The following CACNA1C variants were observed in gnomAD, a reference collection of about 807,000 sequenced individuals.
CACNA1C encodes calcium voltage-gated channel subunit alpha1 C.
CACNA1C carries 30 observed loss-of-function variants against 229.0 expected under a neutral mutation model. The ratio of observed to expected loss-of-function variants is 0.13; its 90% CI spans 0.10 to 0.18. The LOEUF (loss-of-function observed/expected upper bound fraction) is 0.18. CACNA1C is among the 10% of genes least tolerant of loss of function. The pLI is 1.00. For synonymous variants in CACNA1C, 1,114 were observed against 1,132.5 expected, an observed-to-expected ratio of 0.98 and a Z score of 0.33; for missense variants, 1,658 against 2,845.0, an observed-to-expected ratio of 0.58 and a Z score of 9.49.
rs1009297300 is a variant in CACNA1C, at chr12:2,157,508, C to G, written c.477+37078C>G. On this transcript the variant is annotated intron_variant, in intron 3 of 46. Coordinates refer to ENST00000399655, the MANE Select transcript of CACNA1C (RefSeq NM_000719.7). Reference sequence around the variant, plus strand: ...CTCCCACTTGCTCTCAGAGTGCTGTCCCATAAGCCTGTACTCTCTAGGCAG... The same window carrying G: ...CTCCCACTTGCTCTCAGAGTGCTGTGCCATAAGCCTGTACTCTCTAGGCAG... Among the ~76,000 whole-genome samples, 7 of 152,352 alleles carry G rather than the reference C, an allele frequency of 4.6e-5. No homozygotes were observed. The South Asian group carries it at 1.2e-3, about 27-fold the overall frequency.
intron 3 of CACNA1C, among the ~76,000 whole-genome samples, chr12:2,353,912 T>C (rs1027156497): frequency 6.6e-6 from 1 of 152,196 alleles, no homozygotes; most frequent in African/African-American, 2.4e-5. Context: ...GGTGCTGCAC[T>C]GTCCTGCCAT....
rs889496067 is a variant in CACNA1C, at chr12:2,691,540, C to T, written c.*341C>T. The T allele has an allele frequency of 2.7e-5, 7 of 256,304 alleles. No individual in the cohort carries two copies. The highest frequency in any genetic ancestry group is 1.6e-4 in the South Asian group (1 of 6,084). The allele number at this position is 256,304 out of a possible 1,614,324, so 15.9% of individuals were successfully genotyped here. A position where few individuals can be genotyped will look rare whatever the true frequency, so the allele number is the denominator to read the frequency against. ...CTCACCAAAAGGACCCTACAGCAAA[C>T]GGGTGTCTTTCGACTCTGCTTGTAG... is the stretch of plus-strand genomic sequence containing the variant. On this transcript the variant is annotated 3_prime_UTR_variant, in exon 47 of 47. Coordinates refer to ENST00000399655, the MANE Select transcript of CACNA1C (RefSeq NM_000719.7).
intron 1 of CACNA1C, among the ~76,000 whole-genome samples, chr12:2,010,060 A>G (rs1486085462): frequency 6.6e-6 from 1 of 152,210 alleles, no homozygotes; most frequent in Non-Finnish European, 1.5e-5. Context: ...TAGTTTCATG[A>G]CCAGTATTAT....
intron 37 of CACNA1C, 100 bp from the exon 38 acceptor site, chr12:2,668,833 C>T (rs990727256): frequency 2.0e-4 from 156 of 762,496 alleles, no homozygotes; most frequent in Admixed American, 3.4e-4. Flanking sequence ...GAGATTTGGG[C>T]GAGGACACAG....
chr12:2,585,747 C>T lies in CACNA1C; in HGVS notation c.2461-88C>T. 1 of 1,060,032 alleles carries T rather than the reference C, an allele frequency of 9.4e-7. No individual in the cohort carries two copies. Among genetic ancestry groups the T allele is most frequent in the Non-Finnish European group, 1.4e-6 (1 of 696,962 alleles). 65.7% of individuals were successfully genotyped at this position (1,060,032 alleles called of 1,614,324 possible). On this transcript the variant is annotated intron_variant, in intron 17 of 46. Transcript: ENST00000399655. This position sits in a 1 kb window ranked among gnomAD's most constrained non-coding sequence, Gnocchi z 4.1. Reference sequence around the variant, plus strand: ...ACCTATTTTTGAGCTAAGTCACTGACTAAAATGCAACTTCAAGGCTACTGC... The same window carrying T: ...ACCTATTTTTGAGCTAAGTCACTGATTAAAATGCAACTTCAAGGCTACTGC...
intron 3 of CACNA1C, among the ~76,000 whole-genome samples, chr12:2,365,989 A>G (rs577096316): frequency 6.6e-6 from 1 of 152,352 alleles, no homozygotes; most frequent in South Asian, 2.1e-4. Flanking sequence ...CTCAGAAAAT[A>G]AAGCATACAT....
intron 3 of CACNA1C, among the ~76,000 whole-genome samples, chr12:2,340,964 A>G (rs551376755): frequency 3.7e-4 from 54 of 146,936 alleles, no homozygotes; most frequent in African/African-American, 1.3e-3. Flanking sequence ...CTCAAAAAAG[A>G]AAAAAAAAAG....
chr12:1,979,479 T>G (rs1294457911), intron 1 of CACNA1C, among the ~76,000 whole-genome samples: 1 of 150,472 alleles, frequency 6.6e-6, no homozygotes, highest in African/African-American at 2.5e-5. Context: ...GCCTGGCTAA[T>G]TTTTGTATTT....
Position 2,115,274 on chromosome 12 carries a change from G to T in CACNA1C, c.100G>T (p.Ala34Ser). The T allele has an allele frequency of 6.3e-7, 1 of 1,590,578 alleles. No homozygotes were observed. Among genetic ancestry groups the T allele is most frequent in the Non-Finnish European group, 8.6e-7 (1 of 1,168,302 alleles). ...CGCCCATGCCAACATGAATGCCAAT[G>T]CGGCAGCGGGGCTGGCCCCTGAGCA... ...RPAHANMNAN[A>S]AAGLAPEHIP... Residue 34 changes from alanine (A) to serine (S), a missense_variant, in exon 2 of 47, where the codon GCG (alanine) becomes TCG (serine). Coordinates refer to ENST00000399655, the MANE Select transcript of CACNA1C (RefSeq NM_000719.7).
intron 30 of CACNA1C, among the ~76,000 whole-genome samples, chr12:2,643,948 G>T (rs150546822): frequency 1.3e-5 from 2 of 152,168 alleles, no homozygotes; most frequent in African/African-American, 4.8e-5. Flanking sequence ...AGGTCAAATT[G>T]AGATTGGAGG....
At chr12:2,596,934 A>G (rs545331164) in intron 20 of CACNA1C, among the ~76,000 whole-genome samples, 25 of 152,192 alleles carry the variant, frequency 1.6e-4, no homozygotes, top group African/African-American at 6.0e-4. Context: ...AAAGCATCCA[A>G]CCAGATGCTG....
At chr12:2,132,277 C>T (rs1431141767) in intron 3 of CACNA1C, among the ~76,000 whole-genome samples, 1 of 124,492 alleles carries the variant, frequency 8.0e-6, no homozygotes, top group Non-Finnish European at 1.7e-5. Context: ...TCCTCTTTTC[C>T]TAATTGAATA....
Position 2,285,209 on chromosome 12 carries a change from G to A in CACNA1C, c.478-163767G>A, listed in dbSNP as rs1018154213. Among the ~76,000 whole-genome samples the A allele has an allele frequency of 5.3e-5, 8 of 152,182 alleles. No homozygotes were observed. Among genetic ancestry groups the A allele is most frequent in the African/African-American group, 1.7e-4 (7 of 41,438 alleles). ...GAATTTCCTCTTCCTTGGGTCAAGCGGGTGGGAAGGGCTCATGATTGCTGA... is the reference window on the plus strand; with the variant it reads ...GAATTTCCTCTTCCTTGGGTCAAGCAGGTGGGAAGGGCTCATGATTGCTGA... On this transcript the variant is annotated intron_variant, in intron 3 of 46. Transcript: ENST00000399655. The surrounding 1 kb of genome is among the most constrained non-coding windows in gnomAD (Gnocchi z 4.2).
intron 4 of CACNA1C, among the ~76,000 whole-genome samples, chr12:2,451,797 A>G (rs1269406358): frequency 6.6e-6 from 1 of 152,218 alleles, no homozygotes; most frequent in Non-Finnish European, 1.5e-5. Context: ...AGAGGGAGGC[A>G]TCCAGTTGTG....
At chr12:2,686,959 T>C (rs373876612) in intron 45 of CACNA1C, among the ~76,000 whole-genome samples, 59 of 152,360 alleles carry the variant, frequency 3.9e-4, no homozygotes, top group African/African-American at 1.2e-3. Flanking sequence ...TACTCTTTTA[T>C]AGCATGGACC....
chr12:2,276,894 G>A (rs2088448556), intron 3 of CACNA1C, among the ~76,000 whole-genome samples: 1 of 152,106 alleles, frequency 6.6e-6, no homozygotes, highest in African/African-American at 2.4e-5. Context: ...GCAGGGACCA[G>A]GGAGACCAGA....
chr12:2,455,178 T>C (rs1175838784), intron 4 of CACNA1C, among the ~76,000 whole-genome samples: 4 of 152,216 alleles, frequency 2.6e-5, no homozygotes, highest in Admixed American at 6.5e-5. Flanking sequence ...ACTGCTGTCA[T>C]ATCTCCCATT....
intron 14 of CACNA1C, 88 bp downstream of exon 14, chr12:2,581,885 C>T (rs532066273): frequency 4.2e-5 from 33 of 788,622 alleles, no homozygotes; most frequent in South Asian, 2.7e-4. Context: ...ACCCTTTTAC[C>T]GGGCAGCCAC....
chr12:2,196,519 A>G (rs1197637263), intron 3 of CACNA1C, among the ~76,000 whole-genome samples: 1 of 152,242 alleles, frequency 6.6e-6, no homozygotes, highest in African/African-American at 2.4e-5. Context: ...GAAAACTGCA[A>G]ATGGCATTTA....
Sources: gnomAD v4.1 joint callset for allele counts (sites outside exome capture counted in the v4.1 genomes callset) on GRCh38, gnomAD v4.1.1 for gene constraint, Gnocchi (gnomAD v3.1) non-coding constraint, MANE v1.5 for transcripts, NCBI Gene and HGNC (gene_info 2026-07-23, HGNC 2026-07-21) for gene names.